MBD5: variants seen among roughly 807,000 people sequenced by gnomAD.
The protein encoded by MBD5 is methyl-CpG-binding domain protein 5.
In MBD5, 13 loss-of-function variants were observed where a neutral mutation model predicts 117.3. The ratio of observed to expected loss-of-function variants is 0.11; its 90% CI spans 0.07 to 0.18. The LOEUF is 0.18. MBD5 is among the 10% of genes least tolerant of loss of function. The pLI, the probability that MBD5 is intolerant of heterozygous loss-of-function variation, is 1.00. For missense variants in MBD5, 1,879 were observed against 2,093.8 expected (o/e 0.90, Z 2.00); for synonymous variants, 727 against 766.4 (o/e 0.95, Z 0.85).
chr2:148,148,533 A>G lies in MBD5; in HGVS notation c.-924-30167A>G, dbSNP rs544153660. Among the ~76,000 whole-genome samples the G allele has an allele frequency of 1.7e-4, 26 of 152,336 alleles. No individual in the cohort carries two copies. The South Asian group carries it at 5.2e-3, about 30-fold the overall frequency. On this transcript the variant is annotated intron_variant, in intron 1 of 13. Transcript: ENST00000642680. The stretch of plus-strand genomic sequence containing the variant: ...GATTTTGACAATGTTTGCCAGTGTT[A>G]TTACCTCAAAGTTTCTAATTCAATA...
At chr2:148,154,595 T>G (rs4383275) in intron 1 of MBD5, among the ~76,000 whole-genome samples, 146,620 of 152,276 alleles carry the variant, frequency 0.96, 70,822 homozygotes, top group East Asian at 1. Flanking sequence ...CTCCCTGGGC[T>G]TAGGACCCTC....
At chr2:148,354,300 G>A (rs1036458026) in intron 4 of MBD5, among the ~76,000 whole-genome samples, 2 of 150,616 alleles carry the variant, frequency 1.3e-5, no homozygotes. Flanking sequence ...AGTGTGTGAT[G>A]TTCCCCTCCC....
chr2:148,266,035 G>C (rs981989899), intron 3 of MBD5, among the ~76,000 whole-genome samples: 1 of 152,132 alleles, frequency 6.6e-6, no homozygotes, highest in East Asian at 1.9e-4. Flanking sequence ...TTCAAGAAAA[G>C]AGGGAAAGCT....
intron 1 of MBD5, among the ~76,000 whole-genome samples, chr2:148,154,228 G>A (rs1487377670): frequency 6.6e-6 from 1 of 151,928 alleles, no homozygotes; most frequent in East Asian, 1.9e-4. Flanking sequence ...CCTGCTGGGG[G>A]GTGCCTCCCA....
At chr2:148,325,661 T>A (rs1329029705) in intron 3 of MBD5, among the ~76,000 whole-genome samples, 2 of 152,194 alleles carry the variant, frequency 1.3e-5, no homozygotes, top group African/African-American at 2.4e-5. Context: ...AGTTTGTATT[T>A]CTGTGGGATC....
chr2:148,067,111 G>C (rs1363899096), intron 1 of MBD5, among the ~76,000 whole-genome samples: 1 of 152,140 alleles, frequency 6.6e-6, no homozygotes, highest in Non-Finnish European at 1.5e-5. Flanking sequence ...AACACTAATT[G>C]ATGTTGATAA....
At position 148,489,409 on chromosome 2, in the gene MBD5, T is replaced by A. The variant is rs377108854; in HGVS notation, c.3777T>A (p.Ala1259=). The A allele has an allele frequency of 2.5e-6, 4 of 1,614,094 alleles. No individual in the cohort carries two copies. The highest frequency in any genetic ancestry group is 3.4e-6 in the Non-Finnish European group (4 of 1,180,020). ...AGGTGAGAATGCAGGAAGATGCAGCTCTCCTAAACAAAAGAATAAGCACTC... is the reference window on the plus strand; with the variant it reads ...AGGTGAGAATGCAGGAAGATGCAGCACTCCTAAACAAAAGAATAAGCACTC... ...NFQVRMQEDA[A]LLNKRISTQP... The change falls in exon 11 of 14, where the codon GCT becomes GCA. Residue 1259 remains alanine, a synonymous_variant. Coordinates refer to ENST00000642680, the MANE Select transcript of MBD5 (RefSeq NM_001378120.1).
In MBD5 at chr2:148,516,234, C is replaced by T. The variant is rs929558681; in HGVS notation, c.*3293C>T. The T allele has an allele frequency of 1.3e-5, 2 of 152,190 alleles. No homozygotes were observed. The highest frequency in any genetic ancestry group is 3.8e-4 in the East Asian group (2 of 5,198). The allele number at this position is 152,190 out of a possible 1,614,324, so 9.4% of individuals were successfully genotyped here. A position where few individuals can be genotyped will look rare whatever the true frequency, so the allele number is the denominator to read the frequency against. On this transcript the variant is annotated 3_prime_UTR_variant, in exon 14 of 14. Transcript: ENST00000642680. ...CATTGTTGTTAACTTTGGTAATCTT[C>T]CATGCAGTTTGCAGTGTTCCCTTGC...
At chr2:148,133,192 T>G (rs1015449007) in intron 1 of MBD5, among the ~76,000 whole-genome samples, 6 of 152,214 alleles carry the variant, frequency 3.9e-5, no homozygotes, top group African/African-American at 1.2e-4. Flanking sequence ...ATCTGCTGTT[T>G]CTTAGGTTCA....
At chr2:148,119,273 A>G (rs1312774196) in intron 1 of MBD5, among the ~76,000 whole-genome samples, 1 of 152,130 alleles carries the variant, frequency 6.6e-6, no homozygotes, top group Non-Finnish European at 1.5e-5. Flanking sequence ...ATGATATTTA[A>G]CATCTTTTTC....
chr2:148,126,504 T>G (rs932201157), intron 1 of MBD5, among the ~76,000 whole-genome samples: 3 of 152,150 alleles, frequency 2.0e-5, no homozygotes, highest in Non-Finnish European at 4.4e-5. Flanking sequence ...TGGCTACATA[T>G]TACCTTCCAG....
chr2:148,432,628 T>TAGAA (rs1706025253), intron 4 of MBD5, among the ~76,000 whole-genome samples: 1 of 152,184 alleles, frequency 6.6e-6, no homozygotes, highest in African/African-American at 2.4e-5. Flanking sequence ...TGGGGAATTC[T>TAGAA]TTCCCCATTT....
chr2:148,174,991 G>T (rs970531079), intron 1 of MBD5, among the ~76,000 whole-genome samples: 51 of 152,098 alleles, frequency 3.4e-4, no homozygotes, highest in Non-Finnish European at 1.2e-4. Flanking sequence ...AGAGATGTCT[G>T]CACTTCCATG....
At chr2:148,422,780 T>C (rs1705649089) in intron 4 of MBD5, among the ~76,000 whole-genome samples, 1 of 152,024 alleles carries the variant, frequency 6.6e-6, no homozygotes, top group Non-Finnish European at 1.5e-5. Context: ...GAGAACTTCG[T>C]GAAGCATACA....
In MBD5 at chr2:148,225,550, T is replaced by A. The variant is rs562400156; in HGVS notation, c.-830-7695T>A. Among the ~76,000 whole-genome samples the A allele has an allele frequency of 2.6e-5, 4 of 152,284 alleles. No homozygotes were observed. In the East Asian group the frequency reaches 7.7e-4, roughly 29 times the overall value. On this transcript the variant is annotated intron_variant, in intron 2 of 13. Coordinates refer to ENST00000642680, the MANE Select transcript of MBD5 (RefSeq NM_001378120.1). ...TTTCCTGTGTATTTGCTATTACCAG[T>A]GAGTTTTGTACTTTCAGATGATTTG...
intron 4 of MBD5, among the ~76,000 whole-genome samples, chr2:148,354,329 T>C (rs1439633811): frequency 2.0e-5 from 3 of 151,382 alleles, no homozygotes; most frequent in African/African-American, 7.3e-5. Flanking sequence ...TGTGTTCTCA[T>C]TGTTCAACTC....
At chr2:148,054,912 G>A (rs1283407320) in intron 1 of MBD5, 2 of 152,116 alleles carry the variant, frequency 1.3e-5, no homozygotes, top group Non-Finnish European at 2.9e-5. Flanking sequence ...TTGTTTTGCT[G>A]TTTCTCTGTC....
chr2:148,432,380 A>G (rs1298550346), intron 4 of MBD5, among the ~76,000 whole-genome samples: 1 of 152,042 alleles, frequency 6.6e-6, no homozygotes, highest in Non-Finnish European at 1.5e-5. Flanking sequence ...ATTAGATCCC[A>G]TTTGTCAATT....
chr2:148,028,568 C>A (rs949057734), intron 1 of MBD5: 2 of 151,930 alleles, frequency 1.3e-5, no homozygotes, highest in African/African-American at 2.4e-5. Context: ...CTAACTTAAT[C>A]CATACATTCT....
Sources: allele counts gnomAD v4.1 joint callset (sites outside exome capture counted in the v4.1 genomes callset), GRCh38; gene constraint gnomAD v4.1.1; transcripts MANE v1.5; gene names NCBI Gene and HGNC (gene_info 2026-07-23, HGNC 2026-07-21).